The following CTNNA3 variants were observed in gnomAD, a reference collection of about 807,000 sequenced individuals.
CTNNA3 encodes catenin alpha-3.
In CTNNA3, 76 loss-of-function variants were observed where a neutral mutation model predicts 95.7. That is an observed-to-expected ratio of 0.79 (90% CI 0.66 to 0.96). CTNNA3 has a LOEUF of 0.96. Among genes scored for constraint, CTNNA3 ranks in the 40% least tolerant of loss-of-function variants. The pLI is 0.00. For synonymous variants in CTNNA3, 431 were observed against 374.4 expected (o/e 1.15, Z -1.74); for missense variants, 1,191 against 1,089.8 (o/e 1.09, Z -1.31).
intron 12 of CTNNA3, among the ~76,000 whole-genome samples, chr10:66,373,514 G>T (rs2092769446): frequency 6.6e-6 from 1 of 151,352 alleles, no homozygotes; most frequent in Admixed American, 6.6e-5. Context: ...TCCAACTTTA[G>T]AATTATCAAC....
At chr10:66,004,879 G>A (rs879507861) in intron 15 of CTNNA3, among the ~76,000 whole-genome samples, 39 of 152,010 alleles carry the variant, frequency 2.6e-4, no homozygotes, top group Non-Finnish European at 3.7e-4. Flanking sequence ...GTTTCTTATC[G>A]CTGCTGTAAC....
chr10:66,992,343 G>T (rs1468193632), intron 7 of CTNNA3, among the ~76,000 whole-genome samples: 5 of 151,750 alleles, frequency 3.3e-5, no homozygotes, highest in Admixed American at 6.6e-5. Flanking sequence ...TATATCCTTT[G>T]CCTATTTGTT....
intron 5 of CTNNA3, among the ~76,000 whole-genome samples, chr10:67,246,883 T>C (rs1865928312): frequency 6.6e-6 from 1 of 152,180 alleles, no homozygotes; most frequent in South Asian, 2.1e-4. Context: ...TGTCTAATTG[T>C]CCGGCTTATG....
intron 3 of CTNNA3, among the ~76,000 whole-genome samples, chr10:67,573,884 T>C (rs969845969): frequency 6.6e-6 from 1 of 152,150 alleles, no homozygotes; most frequent in Non-Finnish European, 1.5e-5. Context: ...TCAGTATAAC[T>C]TAGTTTTAGG....
At chr10:67,201,247 C>T (rs1863630046) in intron 6 of CTNNA3, among the ~76,000 whole-genome samples, 1 of 152,152 alleles carries the variant, frequency 6.6e-6, no homozygotes. Flanking sequence ...TCCTATAATG[C>T]AACTACCTTT....
In CTNNA3 at chr10:67,216,187, T is replaced by C. The variant is rs115221978; in HGVS notation, c.843+3420A>G. Reference sequence around the variant, plus strand: ...TGAAAATGTAAGAACATGAGGAGTATCTTCCCCAAAATTATTACCCTTAGT... The same window carrying C: ...TGAAAATGTAAGAACATGAGGAGTACCTTCCCCAAAATTATTACCCTTAGT... On this transcript the variant is annotated intron_variant, in intron 6 of 17. Coordinates refer to ENST00000433211, the MANE Select transcript of CTNNA3 (RefSeq NM_013266.4). Among the ~76,000 whole-genome samples the C allele has an allele frequency of 3.4e-3, 512 of 152,272 alleles. 3 individuals carry two copies. Among genetic ancestry groups the C allele is most frequent in the African/African-American group, 0.012 (495 of 41,566 alleles).
chr10:66,846,490 C>T (rs1435901334), intron 7 of CTNNA3, among the ~76,000 whole-genome samples: 1 of 151,290 alleles, frequency 6.6e-6, no homozygotes, highest in Non-Finnish European at 1.5e-5. Context: ...CACACACACA[C>T]ACACACAAAA....
At chr10:66,348,152 C>T (rs1193370476) in intron 12 of CTNNA3, among the ~76,000 whole-genome samples, 1 of 152,078 alleles carries the variant, frequency 6.6e-6, no homozygotes, top group African/African-American at 2.4e-5. Flanking sequence ...AGCCTCTTCT[C>T]TTCCTGTCTA....
intron 5 of CTNNA3, among the ~76,000 whole-genome samples, chr10:67,273,042 T>C (rs918843318): frequency 8.5e-5 from 13 of 152,152 alleles, no homozygotes; most frequent in Non-Finnish European, 1.8e-4. Context: ...TAGTTACAAT[T>C]ACACAGTTTT....
At chr10:66,301,398 G>A (rs1025567492) in intron 12 of CTNNA3, among the ~76,000 whole-genome samples, 8 of 151,662 alleles carry the variant, frequency 5.3e-5, no homozygotes, top group African/African-American at 1.7e-4. Context: ...TATTTCTTAC[G>A]AACATAAATG....
At chr10:67,680,525 G>A (rs576375500) in intron 1 of CTNNA3, among the ~76,000 whole-genome samples, 90 of 152,178 alleles carry the variant, frequency 5.9e-4, no homozygotes, top group Non-Finnish European at 1.2e-3. Context: ...AGCACCAAAC[G>A]GTAGAAACCA....
At chr10:66,420,288 A>G (rs2093180473) in intron 11 of CTNNA3, among the ~76,000 whole-genome samples, 1 of 152,200 alleles carries the variant, frequency 6.6e-6, no homozygotes, top group Admixed American at 6.5e-5. Flanking sequence ...AATGCTCAAC[A>G]TCACTAATCC....
intron 9 of CTNNA3, among the ~76,000 whole-genome samples, chr10:66,655,217 A>G (rs1344859724): frequency 6.6e-6 from 1 of 152,086 alleles, no homozygotes; most frequent in Non-Finnish European, 1.5e-5. Flanking sequence ...TTTATTTGTC[A>G]TTTAAAAAAT....
At chr10:67,383,201 A>G (rs1029079325) in intron 5 of CTNNA3, among the ~76,000 whole-genome samples, 4 of 152,230 alleles carry the variant, frequency 2.6e-5, no homozygotes, top group African/African-American at 4.8e-5. Flanking sequence ...TTGTTAATGT[A>G]CTAGGTGATT....
At chr10:66,499,101 T>A (rs556430493) in intron 11 of CTNNA3, among the ~76,000 whole-genome samples, 1 of 152,214 alleles carries the variant, frequency 6.6e-6, no homozygotes, top group East Asian at 1.9e-4. Context: ...CTTCATTTTT[T>A]ACTAATCTGA....
intron 13 of CTNNA3, among the ~76,000 whole-genome samples, chr10:66,247,196 G>C (rs1037521963): frequency 7.9e-5 from 12 of 152,180 alleles, no homozygotes; most frequent in Non-Finnish European, 1.5e-4. Context: ...AAATCTAAGA[G>C]TTATCGAGCT....
chr10:66,462,673 A>G (rs2093537760), intron 11 of CTNNA3, among the ~76,000 whole-genome samples: 1 of 152,140 alleles, frequency 6.6e-6, no homozygotes, highest in Non-Finnish European at 1.5e-5. Flanking sequence ...GCATCTTACA[A>G]TCTTACACAA....
chr10:67,211,158 T>C (rs1425842753), intron 6 of CTNNA3, among the ~76,000 whole-genome samples: 1 of 152,120 alleles, frequency 6.6e-6, no homozygotes, highest in Non-Finnish European at 1.5e-5. Flanking sequence ...AAGTACCTAA[T>C]AAATACTGAT....
chr10:67,539,653 T>C lies in CTNNA3; in HGVS notation c.309A>G (p.Val103=). 6.2e-7 allele frequency: 1 copy of C among 1,613,462 alleles called. No individual in the cohort carries two copies. Among genetic ancestry groups the C allele is most frequent in the Non-Finnish European group, 8.5e-7 (1 of 1,179,580 alleles). The change falls in exon 4 of 18, where the codon GTA becomes GTG. Residue 103 remains valine, a synonymous_variant. Coordinates refer to ENST00000433211, the MANE Select transcript of CTNNA3 (RefSeq NM_013266.4). ...GGTCATCTGTAAATCTCTCAGCTGA[T>C]ACTTTCAGAGCTTCACCTGAAAAAT... ...EVRKESEALK[V]SAERFTDDPC... is the part of the protein sequence containing the mutation.
Sources: gnomAD v4.1 joint callset for allele counts (sites outside exome capture counted in the v4.1 genomes callset) on GRCh38, gnomAD v4.1.1 for gene constraint, MANE v1.5 for transcripts, NCBI Gene and HGNC (gene_info 2026-07-23, HGNC 2026-07-21) for gene names.